ADH6: variants seen among roughly 807,000 people sequenced by gnomAD.
The protein encoded by ADH6 is alcohol dehydrogenase 6 (class V).
In ADH6, 34 loss-of-function variants were observed where a neutral mutation model predicts 36.5. The ratio of observed to expected loss-of-function variants is 0.93; its 90% CI spans 0.71 to 1.24. The LOEUF (loss-of-function observed/expected upper bound fraction) is 1.24. Ranked by LOEUF, ADH6 falls within the 50% of genes most tolerant of loss-of-function variation. ADH6 has a pLI of 0.00. For missense variants in ADH6, 440 were observed against 447.0 expected, an observed-to-expected ratio of 0.98 and a Z score of 0.14; for synonymous variants, 161 against 155.5, an observed-to-expected ratio of 1.04 and a Z score of -0.26.
chr4:99,207,175 A>C (rs1731064632), intron 7 of ADH6, among the ~76,000 whole-genome samples: 2 of 151,902 alleles, frequency 1.3e-5, no homozygotes, highest in South Asian at 4.2e-4. Context: ...CCTTCTTTTC[A>C]ATTTAGAGTT....
intron 1 of ADH6, among the ~76,000 whole-genome samples, chr4:99,217,271 C>T (rs1463730151): frequency 8.6e-5 from 13 of 151,998 alleles, no homozygotes; most frequent in Admixed American, 2.0e-4. Flanking sequence ...CTCCTGACCT[C>T]GTGATCCGCC....
rs768590391 is a variant in ADH6 at position 99,219,111 on chromosome 4, C to T, written c.18+24G>A. ...ACAAACTGACAAAGATATGACACAA[C>T]ATAAAGAATAAGACTGCACCTACTT... On this transcript the variant is annotated intron_variant, in intron 1 of 8. Coordinates refer to ENST00000394899, the MANE Select transcript of ADH6 (RefSeq NM_001102470.2). The T allele has an allele frequency of 2.5e-6, 4 of 1,606,496 alleles. No individual in the cohort carries two copies. The Admixed American group carries it at 6.7e-5, about 27-fold the overall frequency.
At chr4:99,208,503 G>T in intron 6 of ADH6, 165 bp downstream of exon 6, 1 of 695,438 alleles carries the variant, frequency 1.4e-6, no homozygotes. Flanking sequence ...CTGGGATAGT[G>T]AACAAATTTG....
At chr4:99,205,898 C>T (rs1464001667) in intron 7 of ADH6, among the ~76,000 whole-genome samples, 1 of 152,062 alleles carries the variant, frequency 6.6e-6, no homozygotes, top group Non-Finnish European at 1.5e-5. Flanking sequence ...AGGTTAGGCT[C>T]CCCAACTTCT....
intron 3 of ADH6, among the ~76,000 whole-genome samples, chr4:99,212,866 TG>T (rs1484096187): frequency 2.6e-5 from 4 of 151,944 alleles, no homozygotes; most frequent in African/African-American, 9.7e-5. Flanking sequence ...TTTTGACTTT[TG>T]GGGTTTTTTT....
intron 6 of ADH6, chr4:99,208,418 C>G: frequency 2.7e-6 from 1 of 376,418 alleles, no homozygotes; most frequent in Non-Finnish European, 4.7e-6. Context: ...TTTATAAGGT[C>G]ATTAATCAAA....
intron 3 of ADH6, 23 bp from the exon 4 acceptor site, chr4:99,210,525 T>C: frequency 1.3e-6 from 2 of 1,530,494 alleles, no homozygotes; most frequent in Non-Finnish European, 1.8e-6. Flanking sequence ...AATCATGTCT[T>C]ATTAACATAT....
rs996174550 is a variant in ADH6, at chr4:99,207,898, G to C, written c.829-317C>G. Among the ~76,000 whole-genome samples, 20 of 152,024 alleles carry C rather than the reference G, an allele frequency of 1.3e-4. 1 individual carries two copies. The highest frequency in any genetic ancestry group is 6.5e-5 in the Admixed American group (1 of 15,270). ...AAATTATTACTGATGCAGGTGGCTG[G>C]TAAGAATTGACATTTTTCTTTTAGA... On this transcript the variant is annotated intron_variant, in intron 6 of 8. Transcript: ENST00000394899.
intron 3 of ADH6, among the ~76,000 whole-genome samples, chr4:99,211,897 G>A (rs972554414): frequency 6.6e-6 from 1 of 152,138 alleles, no homozygotes; most frequent in Non-Finnish European, 1.5e-5. Context: ...CAAGGAATTG[G>A]ATTCTGAAAA....
Position 99,213,675 on chromosome 4 carries a change from T to C in ADH6, c.193A>G (p.Thr65Ala). ...GSKHLDLLYP[T>A]ILGHEGAGIV... ...CCAGCCCCTTCATGGCCCAAGATGG[T>C]GGGATACAAGAGGTCCAAGTGTTTA... Residue 65 changes from threonine (T) to alanine (A), a missense_variant, in exon 3 of 9, where the codon ACC (threonine) becomes GCC (alanine). Thr to Ala is a moderately conservative substitution (Grantham distance 58). Coordinates refer to ENST00000394899, the MANE Select transcript of ADH6 (RefSeq NM_001102470.2). The C allele has an allele frequency of 6.2e-7, 1 of 1,613,946 alleles. No homozygotes were observed. Among genetic ancestry groups the C allele is most frequent in the Non-Finnish European group, 8.5e-7 (1 of 1,179,926 alleles).
In ADH6 at chr4:99,213,647, AT is replaced by A; in HGVS notation, c.220del (p.Ile74SerfsTer9). The A allele has an allele frequency of 6.2e-7, 1 of 1,613,754 alleles. No individual in the cohort carries two copies. On this transcript the variant is annotated frameshift_variant, in exon 3 of 9. Transcript: ENST00000394899. LOFTEE classifies it high-confidence loss of function. The stretch of plus-strand genomic sequence containing the variant: ...TACTCCTTCTCCAATACTCTCAACG[AT>A]TCCAGCCCCTTCATGGCCCAAGATG... ...PTILGHEGAG[I>X]VESIGEGVST... is the part of the protein sequence containing the mutation.
rs1731173190 is a variant in ADH6, at chr4:99,210,187, C to T, written c.462G>A (p.Lys154=). ...CATCAATCTTGGCAACTGAGATTTC[C>T]TTTATCACTGTGTATTCACAGAAGG... ...TSTFCEYTVI[K]EISVAKIDAV... The change falls in exon 5 of 9, where the codon AAG becomes AAA. Residue 154 remains lysine, a synonymous_variant. Coordinates refer to ENST00000394899, the MANE Select transcript of ADH6 (RefSeq NM_001102470.2). 1 of 1,613,788 alleles carries T rather than the reference C, an allele frequency of 6.2e-7. No individual in the cohort carries two copies. Among genetic ancestry groups the T allele is most frequent in the Admixed American group, 1.7e-5 (1 of 59,954 alleles).
rs935726242 is a variant in ADH6, at chr4:99,209,073, T to C, written c.568-145A>G. ...GTTTACATACATAACATATTATAAC[T>C]ACAAAGTTTTGATTTTTCAAAAATA... On this transcript the variant is annotated intron_variant, in intron 5 of 8. Coordinates refer to ENST00000394899, the MANE Select transcript of ADH6 (RefSeq NM_001102470.2). The C allele has an allele frequency of 1.3e-5, 12 of 890,320 alleles. No individual in the cohort carries two copies. The South Asian group carries it at 2.2e-4, about 16-fold the overall frequency. 55.2% of individuals were successfully genotyped at this position (890,320 alleles called of 1,614,324 possible). A position where few individuals can be genotyped will look rare whatever the true frequency, so the allele number is the denominator to read the frequency against.
intron 6 of ADH6, 197 bp downstream of exon 6, chr4:99,208,471 A>G (rs534004182): frequency 2.0e-6 from 1 of 489,104 alleles, no homozygotes; most frequent in East Asian, 3.3e-5. Flanking sequence ...TTGAAATTAT[A>G]TGAAAGTTCT....
intron 1 of ADH6, among the ~76,000 whole-genome samples, chr4:99,217,020 T>C (rs957146872): frequency 6.6e-6 from 1 of 152,110 alleles, no homozygotes; most frequent in African/African-American, 2.4e-5. Flanking sequence ...TTCTATCTTA[T>C]TGTATGTTTG....
intron 5 of ADH6, 111 bp downstream of exon 5, chr4:99,209,971 G>C: frequency 9.1e-7 from 1 of 1,094,120 alleles, no homozygotes; most frequent in African/African-American, 1.5e-5. Context: ...GATGTTTGGA[G>C]TCAGGCTTGG....
chr4:99,217,122 G>A (rs372791604), intron 1 of ADH6, among the ~76,000 whole-genome samples: 29 of 152,182 alleles, frequency 1.9e-4, no homozygotes, highest in Non-Finnish European at 3.1e-4. Context: ...TGCAAGCTCC[G>A]CCTTCCGGGT....
chr4:99,210,269 C>G lies in ADH6; in HGVS notation c.380G>C (p.Gly127Ala). 6.2e-7 allele frequency: 1 copy of G among 1,613,606 alleles called. No individual in the cohort carries two copies. Among genetic ancestry groups the G allele is most frequent in the Non-Finnish European group, 8.5e-7 (1 of 1,179,786 alleles). The change falls in exon 5 of 9, where the codon GGT becomes GCT. Residue 127 changes from glycine to alanine, a missense_variant. Gly to Ala is a moderately conservative substitution (Grantham distance 60, BLOSUM62 0). Transcript: ENST00000394899. ...KQSKTQLMSD[G>A]TSRFTCKGKS... The stretch of plus-strand genomic sequence containing the variant: ...TCCCTTGCAGGTAAACCTGCTGGTA[C>G]CATCAGACATCAGTTGGGTTTTTGA...
chr4:99,209,277 C>G (rs1368514511), intron 5 of ADH6, among the ~76,000 whole-genome samples: 1 of 151,882 alleles, frequency 6.6e-6, no homozygotes, highest in Non-Finnish European at 1.5e-5. Flanking sequence ...CTCTATCTTC[C>G]TACAACCATT....
Sources: gnomAD v4.1 joint callset for allele counts (sites outside exome capture counted in the v4.1 genomes callset) on GRCh38, gnomAD v4.1.1 for gene constraint, MANE v1.5 for transcripts, NCBI Gene and HGNC (gene_info 2026-07-23, HGNC 2026-07-21) for gene names.